The following IFT88 variants were observed in gnomAD, a reference collection of about 807,000 sequenced individuals.
The protein encoded by IFT88 is intraflagellar transport 88.
In IFT88, 74 loss-of-function variants were observed where a neutral mutation model predicts 119.5. The ratio of observed to expected loss-of-function variants is 0.62; its 90% CI spans 0.51 to 0.75. The LOEUF is 0.75. Ranked by LOEUF, IFT88 falls within the 30% of genes least tolerant of loss-of-function variation. The pLI is 0.00. For missense variants in IFT88, 961 were observed against 977.7 expected, an observed-to-expected ratio of 0.98 and a Z score of 0.23; for synonymous variants, 279 against 316.7, an observed-to-expected ratio of 0.88 and a Z score of 1.26.
chr13:20,642,790 T>G (rs2050149366), intron 18 of IFT88: 1 of 152,134 alleles, frequency 6.6e-6, no homozygotes, highest in African/African-American at 2.4e-5. Flanking sequence ...CTTTTTTTTT[T>G]TTCTTGTGGT....
chr13:20,589,077 C>G (rs997713468), intron 3 of IFT88, among the ~76,000 whole-genome samples: 2 of 152,150 alleles, frequency 1.3e-5, no homozygotes, highest in African/African-American at 2.4e-5. Flanking sequence ...ACCTCTCTAG[C>G]CTTCCCATCT....
At chr13:20,679,718 A>C (rs139977014) in intron 24 of IFT88, among the ~76,000 whole-genome samples, 58 of 152,360 alleles carry the variant, frequency 3.8e-4, no homozygotes, top group African/African-American at 1.4e-3. Context: ...AGCCAATTCT[A>C]ACATGTAATT....
intron 3 of IFT88, among the ~76,000 whole-genome samples, chr13:20,589,088 C>G (rs1033128795): frequency 3.9e-5 from 6 of 152,144 alleles, no homozygotes; most frequent in East Asian, 1.9e-4. Flanking sequence ...CTTCCCATCT[C>G]TTCGTTATTT....
At chr13:20,604,501 C>G (rs2043103796) in intron 12 of IFT88, among the ~76,000 whole-genome samples, 1 of 152,122 alleles carries the variant, frequency 6.6e-6, no homozygotes, top group South Asian at 2.1e-4. Context: ...TCTTTCCATC[C>G]TGATCCTTTT....
intron 22 of IFT88, among the ~76,000 whole-genome samples, chr13:20,661,660 A>T (rs1273504276): frequency 6.6e-6 from 1 of 151,966 alleles, no homozygotes. Context: ...GCTTGAACCC[A>T]GGAGGCAGAG....
intron 9 of IFT88, among the ~76,000 whole-genome samples, chr13:20,597,865 T>C (rs1189601182): frequency 6.6e-6 from 1 of 151,922 alleles, no homozygotes; most frequent in Non-Finnish European, 1.5e-5. Context: ...TCAAGGTGGT[T>C]ATTTTGATGA....
intron 21 of IFT88, 89 bp from the exon 22 acceptor site, chr13:20,656,275 AT>A: frequency 2.1e-6 from 1 of 471,258 alleles, no homozygotes; most frequent in East Asian, 3.5e-5. Flanking sequence ...AAACCATTAA[AT>A]AGCCAGTATA....
chr13:20,658,909 A>G (rs2053323870), intron 22 of IFT88, among the ~76,000 whole-genome samples: 2 of 152,206 alleles, frequency 1.3e-5, no homozygotes, highest in South Asian at 4.1e-4. Context: ...GAGTCACTCT[A>G]AGAATCAAAT....
chr13:20,649,631 G>A (rs1280796932), intron 20 of IFT88, among the ~76,000 whole-genome samples: 1 of 151,912 alleles, frequency 6.6e-6, no homozygotes, highest in Non-Finnish European at 1.5e-5. Context: ...GCAGCAGGAA[G>A]GAAATAATAA....
At chr13:20,569,644 A>G (rs996433715) in intron 1 of IFT88, among the ~76,000 whole-genome samples, 1 of 152,110 alleles carries the variant, frequency 6.6e-6, no homozygotes, top group Non-Finnish European at 1.5e-5. Flanking sequence ...TGATGTACAG[A>G]ATGGGAGAAA....
chr13:20,607,965 C>T (rs2043802632), intron 13 of IFT88: 3 of 613,208 alleles, frequency 4.9e-6, no homozygotes, highest in Non-Finnish European at 9.4e-6. Context: ...TCAGGAAGCA[C>T]CTCCTCCTGG....
At chr13:20,634,327 T>C (rs1175670117) in intron 16 of IFT88, among the ~76,000 whole-genome samples, 1 of 152,148 alleles carries the variant, frequency 6.6e-6, no homozygotes, top group Non-Finnish European at 1.5e-5. Context: ...ACCCCAGTTA[T>C]TCATATCCCT....
chr13:20,603,366 A>T (rs2042912397), intron 12 of IFT88, among the ~76,000 whole-genome samples: 1 of 149,096 alleles, frequency 6.7e-6, no homozygotes, highest in African/African-American at 2.5e-5. Flanking sequence ...AGCCTGGGTG[A>T]CAAGAGCAAA....
chr13:20,627,990 C>G (rs2047619937), intron 15 of IFT88, among the ~76,000 whole-genome samples: 1 of 151,922 alleles, frequency 6.6e-6, no homozygotes, highest in Non-Finnish European at 1.5e-5. Flanking sequence ...GCTGCTTTCA[C>G]TCTGTCTTTC....
chr13:20,643,834 GCCT>G (rs1246284027), intron 19 of IFT88, among the ~76,000 whole-genome samples: 1 of 152,122 alleles, frequency 6.6e-6, no homozygotes, highest in African/African-American at 2.4e-5. Flanking sequence ...GCTCACTGCA[GCCT>G]CCTCCTCCTG....
At chr13:20,569,506 G>T (rs1475248485) in intron 1 of IFT88, among the ~76,000 whole-genome samples, 4 of 151,596 alleles carry the variant, frequency 2.6e-5, no homozygotes, top group Non-Finnish European at 4.4e-5. Flanking sequence ...TCGGGAGGCG[G>T]AGCTTTCAGT....
chr13:20,595,023 T>C (rs560765389), intron 7 of IFT88, among the ~76,000 whole-genome samples: 22 of 123,524 alleles, frequency 1.8e-4, no homozygotes, highest in Non-Finnish European at 3.6e-4. Flanking sequence ...ACATTACTGT[T>C]ATTTTGAAAG....
intron 11 of IFT88, among the ~76,000 whole-genome samples, chr13:20,600,080 A>G (rs2042352828): frequency 6.6e-6 from 1 of 152,122 alleles, no homozygotes; most frequent in Non-Finnish European, 1.5e-5. Flanking sequence ...CAAGATATTT[A>G]CTGATCATAA....
intron 24 of IFT88, among the ~76,000 whole-genome samples, chr13:20,684,850 A>C (rs773975808): frequency 6.6e-6 from 1 of 152,162 alleles, no homozygotes; most frequent in Non-Finnish European, 1.5e-5. Context: ...ACGTTCTCCA[A>C]CTGTCGCTTC....
Sources: allele counts gnomAD v4.1 joint callset (sites outside exome capture counted in the v4.1 genomes callset), GRCh38; gene constraint gnomAD v4.1.1; transcripts MANE v1.5; gene names NCBI Gene and HGNC (gene_info 2026-07-23, HGNC 2026-07-21).